Variants in USP34 observed in about 807,000 individuals in gnomAD.
USP34 encodes the protein ubiquitin specific peptidase 34.
USP34 carries 70 observed loss-of-function variants against 460.3 expected under a neutral mutation model. The observed-to-expected ratio is 0.15, with a 90% CI of 0.13 to 0.19. The LOEUF is 0.19. Ranked by LOEUF, USP34 falls within the 10% of genes least tolerant of loss-of-function variation. The pLI is 1.00. For synonymous variants in USP34, 1,647 were observed against 1,405.3 expected (o/e 1.17, Z -3.85); for missense variants, 3,985 against 4,236.2 (o/e 0.94, Z 1.65).
intron 38 of USP34, 63 bp downstream of exon 38, chr2:61,281,027 G>T (rs554026682): frequency 1.3e-6 from 2 of 1,534,820 alleles, no homozygotes; most frequent in East Asian, 2.3e-5. Context: ...ATATTACAAC[G>T]GTAAACTGAG....
Position 61,246,345 on chromosome 2 carries a change from T to A in USP34, c.6527A>T (p.His2176Leu), listed in dbSNP as rs1204744098. 1.9e-6 allele frequency: 3 copies of A among 1,578,004 alleles called. No individual in the cohort carries two copies. The highest frequency in any genetic ancestry group is 2.6e-6 in the Non-Finnish European group (3 of 1,163,860). The change falls in exon 50 of 80, where the codon CAT (histidine) becomes CTT (leucine). Residue 2176 changes from histidine to leucine, a missense_variant. Transcript: ENST00000398571. ...TCACCATTTATTGTTTTTATAAGCATGGGGATTTACTATATCTCTGATAAA... is the reference window on the plus strand; with the variant it reads ...TCACCATTTATTGTTTTTATAAGCAAGGGGATTTACTATATCTCTGATAAA... ...YSFIRDIVNP[H>L]AYKNNKWYLF...
At chr2:61,434,438 G>A (rs1558592063) in intron 1 of USP34, among the ~76,000 whole-genome samples, 1 of 152,150 alleles carries the variant, frequency 6.6e-6, no homozygotes, top group African/African-American at 2.4e-5. Flanking sequence ...AGCCAATTGA[G>A]CAACCACATG....
intron 43 of USP34, among the ~76,000 whole-genome samples, chr2:61,261,894 G>C (rs1688890344): frequency 6.6e-6 from 1 of 151,530 alleles, no homozygotes; most frequent in Non-Finnish European, 1.5e-5. Context: ...CACGAGGTCA[G>C]GAGTTTGAGA....
At chr2:61,391,842 C>G (rs1232453692) in intron 5 of USP34, among the ~76,000 whole-genome samples, 1 of 152,012 alleles carries the variant, frequency 6.6e-6, no homozygotes, top group Non-Finnish European at 1.5e-5. Context: ...TGCAGAGAGC[C>G]AATCTACAAT....
chr2:61,195,700 C>CA (rs1373984713), intron 75 of USP34, among the ~76,000 whole-genome samples: 1 of 151,912 alleles, frequency 6.6e-6, no homozygotes, highest in East Asian at 1.9e-4. Flanking sequence ...ATTAGCCAAA[C>CA]AAAAAACAGT....
chr2:61,293,661 T>A, intron 32 of USP34, 111 bp from the exon 33 acceptor site: 1 of 688,554 alleles, frequency 1.5e-6, no homozygotes, highest in Non-Finnish European at 2.4e-6. Context: ...TTATTTACAC[T>A]ACTATTCATT....
At chr2:61,318,937 T>G (rs1690831045) in intron 22 of USP34, among the ~76,000 whole-genome samples, 1 of 152,246 alleles carries the variant, frequency 6.6e-6, no homozygotes, top group Non-Finnish European at 1.5e-5. Flanking sequence ...ATTGTTGAAT[T>G]ATTGTAGCTA....
chr2:61,365,331 ATATG>A (rs905419654), intron 10 of USP34, among the ~76,000 whole-genome samples: 8 of 151,776 alleles, frequency 5.3e-5, no homozygotes, highest in South Asian at 2.1e-4. Flanking sequence ...GTGTGTGTAT[ATATG>A]TATGTATGTA....
At chr2:61,391,503 G>A (rs928617674) in intron 5 of USP34, among the ~76,000 whole-genome samples, 4 of 152,082 alleles carry the variant, frequency 2.6e-5, no homozygotes, top group Non-Finnish European at 5.9e-5. Flanking sequence ...TGATTTATGA[G>A]TTATTTTCTT....
intron 5 of USP34, among the ~76,000 whole-genome samples, chr2:61,386,954 C>T (rs969770126): frequency 3.9e-5 from 6 of 152,076 alleles, no homozygotes; most frequent in Admixed American, 1.3e-4. Flanking sequence ...AAAAGCAACA[C>T]GAGAGTGGAA....
intron 1 of USP34, among the ~76,000 whole-genome samples, chr2:61,449,336 T>A (rs914938343): frequency 6.6e-6 from 1 of 151,926 alleles, no homozygotes; most frequent in Admixed American, 6.6e-5. Context: ...AGATATCCCA[T>A]GTTCATGGAT....
chr2:61,276,444 CTATTTA>C (rs1435660905), intron 41 of USP34, among the ~76,000 whole-genome samples: 1 of 152,002 alleles, frequency 6.6e-6, no homozygotes, highest in Non-Finnish European at 1.5e-5. Flanking sequence ...TCACAGAATA[CTATTTA>C]TAAACTGTAA....
At chr2:61,439,433 T>C (rs1196522201) in intron 1 of USP34, among the ~76,000 whole-genome samples, 3 of 152,106 alleles carry the variant, frequency 2.0e-5, no homozygotes, top group Non-Finnish European at 4.4e-5. Flanking sequence ...TTGGCACCAT[T>C]CTGTCCGGCC....
At chr2:61,256,141 G>A (rs1688718898) in intron 48 of USP34, among the ~76,000 whole-genome samples, 1 of 152,100 alleles carries the variant, frequency 6.6e-6, no homozygotes, top group South Asian at 2.1e-4. Flanking sequence ...CCATGTATCT[G>A]CTCCCCAAAA....
At chr2:61,378,804 C>A (rs751300449) in intron 7 of USP34, among the ~76,000 whole-genome samples, 1 of 148,396 alleles carries the variant, frequency 6.7e-6, no homozygotes, top group Non-Finnish European at 1.5e-5. Flanking sequence ...TACTCAGAGG[C>A]TGAGGCACGA....
chr2:61,251,041 G>A (rs1481856714), intron 48 of USP34, among the ~76,000 whole-genome samples: 1 of 152,150 alleles, frequency 6.6e-6, no homozygotes, highest in Non-Finnish European at 1.5e-5. Flanking sequence ...AGGAGGCTGA[G>A]GCAGGAGAAT....
intron 5 of USP34, 152 bp from the exon 6 acceptor site, chr2:61,383,488 A>G (rs533308246): frequency 2.1e-6 from 1 of 481,728 alleles, no homozygotes; most frequent in South Asian, 3.8e-5. Context: ...GCAGATCCGA[A>G]GGTCAGGAGT....
chr2:61,221,667 G>A, intron 65 of USP34, 61 bp from the exon 66 acceptor site: 1 of 1,485,374 alleles, frequency 6.7e-7, no homozygotes, highest in East Asian at 2.3e-5. Flanking sequence ...CTTCAGCAGA[G>A]AAGAAACATA....
intron 76 of USP34, among the ~76,000 whole-genome samples, chr2:61,192,669 C>T (rs1241490293): frequency 6.6e-6 from 1 of 152,138 alleles, no homozygotes; most frequent in Non-Finnish European, 1.5e-5. Flanking sequence ...CAATTATAAC[C>T]AGCTTATTTA....
Sources: allele counts gnomAD v4.1 joint callset (sites outside exome capture counted in the v4.1 genomes callset), GRCh38; gene constraint gnomAD v4.1.1; transcripts MANE v1.5; gene names NCBI Gene and HGNC (gene_info 2026-07-23, HGNC 2026-07-21).